The following B3GALT1 variants were observed in gnomAD, a reference collection of about 807,000 sequenced individuals.
The protein encoded by B3GALT1 is beta-1,3-galactosyltransferase 1, also known as UDP-Gal:betaGlcNAc beta 1,3-galactosyltransferase, polypeptide 1.
B3GALT1 carries 10 observed loss-of-function variants against 23.2 expected under a neutral mutation model. That is an observed-to-expected ratio of 0.43 (90% CI 0.27 to 0.73). The LOEUF (loss-of-function observed/expected upper bound fraction) is 0.73. B3GALT1 is among the 30% of genes least tolerant of loss of function. B3GALT1 has a pLI of 0.21. For missense variants in B3GALT1, 299 were observed against 405.4 expected (o/e 0.74, Z 2.25); for synonymous variants, 156 against 141.5 (o/e 1.10, Z -0.73).
At chr2:167,644,923 A>C (rs948262153) in intron 2 of B3GALT1, among the ~76,000 whole-genome samples, 1 of 151,938 alleles carries the variant, frequency 6.6e-6, no homozygotes, top group Non-Finnish European at 1.5e-5. Context: ...CACCATTCAG[A>C]CTCAGAGCCA....
At chr2:167,684,835 G>A (rs528016472) in intron 3 of B3GALT1, among the ~76,000 whole-genome samples, 1 of 152,332 alleles carries the variant, frequency 6.6e-6, no homozygotes, top group East Asian at 1.9e-4. Flanking sequence ...AGATGGCAGT[G>A]ATGCCACATG....
intron 2 of B3GALT1, among the ~76,000 whole-genome samples, chr2:167,510,599 A>T (rs1056124399): frequency 1.3e-5 from 2 of 152,130 alleles, no homozygotes; most frequent in African/African-American, 4.8e-5. Flanking sequence ...TACAAAGGCA[A>T]ACAAATTGCA....
intron 2 of B3GALT1, among the ~76,000 whole-genome samples, chr2:167,512,568 GTATATATA>G (rs66968215): frequency 5.2e-5 from 2 of 38,734 alleles, no homozygotes; most frequent in African/African-American, 3.1e-4. Flanking sequence ...ATATATATAT[GTATATATA>G]TATGTATATA....
intron 1 of B3GALT1, among the ~76,000 whole-genome samples, chr2:167,480,194 T>G (rs1217048341): frequency 6.6e-6 from 1 of 152,198 alleles, no homozygotes; most frequent in Non-Finnish European, 1.5e-5. Context: ...TTAGCAGACT[T>G]CATGCCCCTC....
chr2:167,396,906 T>C (rs533511708), intron 1 of B3GALT1, among the ~76,000 whole-genome samples: 35 of 152,236 alleles, frequency 2.3e-4, no homozygotes, highest in African/African-American at 7.9e-4. Context: ...CATGCTCTAA[T>C]GCAATGAACA....
intron 2 of B3GALT1, among the ~76,000 whole-genome samples, chr2:167,626,401 C>A (rs554513427): frequency 1.3e-5 from 2 of 151,668 alleles, no homozygotes. Context: ...CTCCATCTTA[C>A]AATATAGGAC....
intron 2 of B3GALT1, among the ~76,000 whole-genome samples, chr2:167,623,777 T>G (rs1433739116): frequency 6.6e-6 from 1 of 152,044 alleles, no homozygotes; most frequent in African/African-American, 2.4e-5. Context: ...AAACACATAG[T>G]CATTTCTGAT....
chr2:167,374,994 C>G (rs73019793), intron 1 of B3GALT1, among the ~76,000 whole-genome samples: 2,074 of 152,144 alleles, frequency 0.014, 52 homozygotes, highest in African/African-American at 0.048. Context: ...TTTAATTCAT[C>G]TTGAGTTCAT....
intron 1 of B3GALT1, among the ~76,000 whole-genome samples, chr2:167,428,967 C>A (rs983566341): frequency 6.6e-6 from 1 of 152,026 alleles, no homozygotes; most frequent in African/African-American, 2.4e-5. Flanking sequence ...TACACAAATA[C>A]AATACACTAC....
chr2:167,680,747 T>C (rs950740086), intron 3 of B3GALT1, among the ~76,000 whole-genome samples: 3 of 152,126 alleles, frequency 2.0e-5, no homozygotes, highest in African/African-American at 7.2e-5. Flanking sequence ...GAGACATTCC[T>C]CATATTCTCT....
At chr2:167,553,235 A>G (rs951370948) in intron 2 of B3GALT1, among the ~76,000 whole-genome samples, 4 of 152,230 alleles carry the variant, frequency 2.6e-5, no homozygotes, top group African/African-American at 9.6e-5. Flanking sequence ...TGAGAGGAGT[A>G]TTCTGAATCA....
intron 3 of B3GALT1, among the ~76,000 whole-genome samples, chr2:167,686,219 A>G (rs1686614596): frequency 6.6e-6 from 1 of 152,218 alleles, no homozygotes; most frequent in Admixed American, 6.5e-5. Context: ...AGGTTTACTA[A>G]CAAAATCATG....
intron 2 of B3GALT1, among the ~76,000 whole-genome samples, chr2:167,634,048 A>G (rs1424022058): frequency 6.6e-6 from 1 of 152,212 alleles, no homozygotes; most frequent in African/African-American, 2.4e-5. Context: ...AATTCATTCA[A>G]AACCACACAA....
At chr2:167,644,696 C>CT (rs1685713126) in intron 2 of B3GALT1, among the ~76,000 whole-genome samples, 1 of 146,190 alleles carries the variant, frequency 6.8e-6, no homozygotes, top group African/African-American at 2.6e-5. Context: ...AGGAGAATGG[C>CT]TTGAACCCGG....
intron 2 of B3GALT1, among the ~76,000 whole-genome samples, chr2:167,625,700 C>T (rs1685329051): frequency 6.6e-6 from 1 of 151,590 alleles, no homozygotes; most frequent in Non-Finnish European, 1.5e-5. Context: ...TATACTTTCT[C>T]TGCAATTTAC....
intron 2 of B3GALT1, among the ~76,000 whole-genome samples, chr2:167,594,687 C>T (rs1337846829): frequency 6.6e-6 from 1 of 152,108 alleles, no homozygotes; most frequent in African/African-American, 2.4e-5. Flanking sequence ...ACGAGGCGGG[C>T]AGATCACCTG....
At chr2:167,301,034 A>G (rs1238399355) in intron 1 of B3GALT1, among the ~76,000 whole-genome samples, 2 of 152,162 alleles carry the variant, frequency 1.3e-5, no homozygotes, top group Admixed American at 1.3e-4. Flanking sequence ...GCTCATATTC[A>G]TCATTTTATT....
At chr2:167,557,231 A>T (rs963152997) in intron 2 of B3GALT1, among the ~76,000 whole-genome samples, 1 of 152,104 alleles carries the variant, frequency 6.6e-6, no homozygotes, top group African/African-American at 2.4e-5. Flanking sequence ...ATTTTCATTT[A>T]AATATCTTAT....
chr2:167,360,502 C>T (rs777206882), intron 1 of B3GALT1, among the ~76,000 whole-genome samples: 36 of 152,274 alleles, frequency 2.4e-4, no homozygotes, highest in Non-Finnish European at 4.4e-4. Flanking sequence ...TCAGTATCAT[C>T]TTGGAAATTT....
Sources: allele counts gnomAD v4.1 joint callset (sites outside exome capture counted in the v4.1 genomes callset), GRCh38; gene constraint gnomAD v4.1.1; transcripts MANE v1.5; gene names NCBI Gene and HGNC (gene_info 2026-07-23, HGNC 2026-07-21).